The following PTPRG variants were observed in gnomAD, a reference collection of about 807,000 sequenced individuals.
PTPRG encodes receptor-type tyrosine-protein phosphatase gamma.
Under a neutral mutation model 165.3 loss-of-function variants are expected in PTPRG, and 102 were observed. The ratio of observed to expected loss-of-function variants is 0.62; its 90% CI spans 0.53 to 0.73. PTPRG has a LOEUF of 0.73. Ranked by LOEUF, PTPRG falls within the 30% of genes least tolerant of loss-of-function variation. PTPRG has a pLI of 0.00. For missense variants in PTPRG, 1,866 were observed against 1,861.4 expected, an observed-to-expected ratio of 1.00 and a Z score of -0.05; for synonymous variants, 675 against 669.5, an observed-to-expected ratio of 1.01 and a Z score of -0.13.
chr3:62,107,265 C>A lies in PTPRG; in HGVS notation c.616-25337C>A, dbSNP rs1031459527. On this transcript the variant is annotated intron_variant, in intron 5 of 29. Transcript: ENST00000474889. ...CCAGTGATCTATATGGCAAATCACTCATACCATGAAGCATACTTCTATAAT... is the reference window on the plus strand; with the variant it reads ...CCAGTGATCTATATGGCAAATCACTAATACCATGAAGCATACTTCTATAAT... Among the ~76,000 whole-genome samples the A allele has an allele frequency of 1.2e-4, 18 of 152,220 alleles. 2 individuals are homozygous for A. The highest frequency in any genetic ancestry group is 1.2e-3 in the Admixed American group (18 of 15,284).
intron 5 of PTPRG, among the ~76,000 whole-genome samples, chr3:62,127,603 C>T (rs1508394): frequency 0.087 from 13,285 of 152,124 alleles, 923 homozygotes; most frequent in African/African-American, 0.19. Flanking sequence ...AAGAGGATAT[C>T]GGCTGGATGT....
At chr3:62,114,587 G>T (rs11717334) in intron 5 of PTPRG, among the ~76,000 whole-genome samples, 10,457 of 152,232 alleles carry the variant, frequency 0.069, 506 homozygotes, top group Non-Finnish European at 0.098. Context: ...AACAGAGTCA[G>T]TAAGAAGCAG....
intron 15 of PTPRG, among the ~76,000 whole-genome samples, chr3:62,246,403 C>A (rs1422340054): frequency 6.6e-6 from 1 of 152,112 alleles, no homozygotes; most frequent in Non-Finnish European, 1.5e-5. Context: ...AATGACCTTT[C>A]CTTAAAGAGC....
At position 61,707,963 on chromosome 3, in the gene PTPRG, A is replaced by T. The variant is rs2106734215; in HGVS notation, c.86-40915A>T. 2.0e-5 allele frequency among the ~76,000 whole-genome samples: 3 copies of T among 151,932 alleles called. No individual in the cohort carries two copies. The South Asian group carries it at 6.2e-4, about 32-fold the overall frequency. On this transcript the variant is annotated intron_variant, in intron 1 of 29. Transcript: ENST00000474889. ...ACCACTGTGACCAGATAATTTTTGT[A>T]TTTTTTGTAGAGATAGGGTTTCACC...
chr3:61,610,911 A>G (rs1701150906), intron 1 of PTPRG, among the ~76,000 whole-genome samples: 1 of 151,954 alleles, frequency 6.6e-6, no homozygotes, highest in Admixed American at 6.6e-5. Context: ...GGTTCAAGTG[A>G]TTCTCCTGCC....
chr3:62,283,202 TTAAA>T (rs1702517904), intron 28 of PTPRG, among the ~76,000 whole-genome samples: 1 of 152,142 alleles, frequency 6.6e-6, no homozygotes. Context: ...TTTACCTTAA[TTAAA>T]TACTTTTTAA....
chr3:62,262,806 G>A lies in PTPRG; in HGVS notation c.2568G>A (p.Gln856=). 6.2e-7 allele frequency: 1 copy of A among 1,612,936 alleles called. No individual in the cohort carries two copies. The highest frequency in any genetic ancestry group is 8.5e-7 in the Non-Finnish European group (1 of 1,179,294). Residue 856 remains glutamine (Q), a synonymous_variant, in exon 17 of 30, where the codon CAG becomes CAA. Transcript: ENST00000474889. ...GCTGTTTTCTTCACTAGGAAGTCCA[G>A]CGCTGTACTGCTGATATGAACATCA... is the stretch of plus-strand genomic sequence containing the variant. The part of the protein sequence containing the change: ...HGFSEDFEEV[Q]RCTADMNITA...
intron 2 of PTPRG, among the ~76,000 whole-genome samples, chr3:61,987,997 G>A (rs570934532): frequency 6.6e-6 from 1 of 152,172 alleles, no homozygotes; most frequent in African/African-American, 2.4e-5. Context: ...AAAAATACAT[G>A]AGTGAAAAGC....
intron 2 of PTPRG, among the ~76,000 whole-genome samples, chr3:61,840,778 G>GTTTTTTTTTTTTT (rs1421518243): frequency 2.8e-5 from 3 of 106,190 alleles, no homozygotes; most frequent in African/African-American, 9.0e-5. Context: ...TTTTTTGTTT[G>GTTTTTTTTTTTTT]TTTGTTTTTT....
At chr3:61,927,218 A>G (rs1006627185) in intron 2 of PTPRG, among the ~76,000 whole-genome samples, 1 of 152,288 alleles carries the variant, frequency 6.6e-6, no homozygotes, top group African/African-American at 2.4e-5. Flanking sequence ...CCTCCCAGCT[A>G]TATATTCTCC....
At chr3:61,985,042 G>T (rs960247380) in intron 2 of PTPRG, among the ~76,000 whole-genome samples, 2 of 152,218 alleles carry the variant, frequency 1.3e-5, no homozygotes, top group Non-Finnish European at 2.9e-5. Flanking sequence ...TCTCACTGGG[G>T]ATGTTAACCT....
Position 62,203,634 on chromosome 3 carries a change from C to T in PTPRG, c.1839C>T (p.His613=), listed in dbSNP as rs150936656. Residue 613 remains histidine (H), a synonymous_variant, in exon 12 of 30, where the codon CAC becomes CAT. Transcript: ENST00000474889. The surrounding 1 kb of genome is among the most constrained non-coding windows in gnomAD (Gnocchi z 6.4). ...AGAAGGAGAAGAGTGGGGTGACCCA[C>T]GCTGCCGAGGAGCGGAATCAGACGG... ...SEKKEKSGVT[H]AAEERNQTEP... 48 of 1,556,260 alleles carry T rather than the reference C, an allele frequency of 3.1e-5. No individual in the cohort carries two copies. Among genetic ancestry groups the T allele is most frequent in the East Asian group, 2.4e-5 (1 of 41,486 alleles).
intron 4 of PTPRG, among the ~76,000 whole-genome samples, chr3:62,033,073 T>C (rs1347390364): frequency 1.3e-5 from 2 of 152,134 alleles, no homozygotes; most frequent in African/African-American, 4.8e-5. Flanking sequence ...TATAAAAGTA[T>C]TATATGTGTG....
intron 1 of PTPRG, among the ~76,000 whole-genome samples, chr3:61,619,542 C>T (rs1212701268): frequency 9.2e-5 from 14 of 152,168 alleles, no homozygotes; most frequent in African/African-American, 1.2e-4. Flanking sequence ...TCCAAAATGT[C>T]AGCAATGCAG....
intron 1 of PTPRG, among the ~76,000 whole-genome samples, chr3:61,669,567 G>C (rs1192742008): frequency 6.6e-6 from 1 of 152,250 alleles, no homozygotes; most frequent in East Asian, 1.9e-4. Flanking sequence ...ATTGATTTAA[G>C]TTTATGACTG....
At chr3:61,929,064 A>T (rs2039296343) in intron 2 of PTPRG, among the ~76,000 whole-genome samples, 1 of 152,200 alleles carries the variant, frequency 6.6e-6, no homozygotes, top group African/African-American at 2.4e-5. Flanking sequence ...TTTGGCCCCA[A>T]ATGAGAAACC....
chr3:61,667,326 G>C (rs1452269474), intron 1 of PTPRG, among the ~76,000 whole-genome samples: 1 of 152,184 alleles, frequency 6.6e-6, no homozygotes, highest in African/African-American at 2.4e-5. Context: ...CGTTAACATA[G>C]GGATGGAGAG....
At chr3:61,613,117 A>T (rs1165204158) in intron 1 of PTPRG, among the ~76,000 whole-genome samples, 2 of 152,224 alleles carry the variant, frequency 1.3e-5, no homozygotes, top group Non-Finnish European at 2.9e-5. Context: ...CACACCCTTT[A>T]GACTAGGACA....
chr3:62,268,962 G>A (rs562878551), intron 19 of PTPRG, 73 bp from the exon 20 acceptor site: 27 of 1,389,536 alleles, frequency 1.9e-5, no homozygotes, highest in Admixed American at 7.1e-5. Context: ...TAACATTGTC[G>A]TTTGAAATTA....
Sources: gnomAD v4.1 joint callset for allele counts (sites outside exome capture counted in the v4.1 genomes callset) on GRCh38, gnomAD v4.1.1 for gene constraint, Gnocchi (gnomAD v3.1) non-coding constraint, MANE v1.5 for transcripts, NCBI Gene and HGNC (gene_info 2026-07-23, HGNC 2026-07-21) for gene names.